The following ATG13 variants were observed in gnomAD, a reference collection of about 807,000 sequenced individuals.
ATG13 encodes autophagy related 13.
Under a neutral mutation model 65.5 loss-of-function variants are expected in ATG13, and 23 were observed. That is an observed-to-expected ratio of 0.35 (90% CI 0.25 to 0.50). The LOEUF (loss-of-function observed/expected upper bound fraction) is 0.50. ATG13 is among the 20% of genes least tolerant of loss of function. The pLI is 0.98. For missense variants in ATG13, 566 were observed against 677.0 expected (o/e 0.84, Z 1.82); for synonymous variants, 252 against 245.2 (o/e 1.03, Z -0.26).
At chr11:46,642,304 GTTTTT>G (rs200225497) in intron 2 of ATG13, among the ~76,000 whole-genome samples, 2 of 107,922 alleles carry the variant, frequency 1.9e-5, no homozygotes, top group East Asian at 3.1e-4. Context: ...ATTTTTGTGG[GTTTTT>G]TTTTTTTTTT....
At chr11:46,641,349 C>T (rs1012731553) in intron 2 of ATG13, among the ~76,000 whole-genome samples, 4 of 152,146 alleles carry the variant, frequency 2.6e-5, no homozygotes, top group Non-Finnish European at 4.4e-5. Context: ...GGATTACAGG[C>T]GTGAGCCACT....
In ATG13 at chr11:46,667,893, TTTTC is replaced by T. The variant is rs2062731395; in HGVS notation, c.1251+8_1251+11del. On this transcript the variant is annotated splice_region_variant and intron_variant, in intron 15 of 18. Transcript: ENST00000683050. ...TCAACAAACCCATTAACCAGGTGAT[TTTTC>T]TGCCACTGCCACCTGTGAGAATGTC... The T allele has an allele frequency of 6.2e-7, 1 of 1,600,240 alleles. No individual in the cohort carries two copies. The highest frequency in any genetic ancestry group is 1.3e-5 in the African/African-American group (1 of 74,788).
intron 11 of ATG13, among the ~76,000 whole-genome samples, chr11:46,661,599 A>C (rs540959172): frequency 2.0e-5 from 3 of 152,042 alleles, no homozygotes; most frequent in Non-Finnish European, 4.4e-5. Context: ...AGGCCAAGGA[A>C]GGAGGGAGGA....
At chr11:46,657,795 C>G (rs145636082) in intron 10 of ATG13, among the ~76,000 whole-genome samples, 173 bp downstream of exon 10, 50 of 152,306 alleles carry the variant, frequency 3.3e-4, no homozygotes, top group Admixed American at 7.2e-4. Flanking sequence ...TTTCTGCTCC[C>G]TCTTAGGTAC....
In ATG13 at chr11:46,672,859, CTCT is replaced by C. The variant is rs777264461; in HGVS notation, c.*534_*536del. ...CTTTACTTCCTGCTATCTTCTTCTC[CTCT>C]TCTTCTCTCTCTTGCCTCTATGCCT... is the stretch of plus-strand genomic sequence containing the variant. On this transcript the variant is annotated 3_prime_UTR_variant, in exon 19 of 19. Coordinates refer to ENST00000683050, the MANE Select transcript of ATG13 (RefSeq NM_001346311.2). 19 of 1,145,226 alleles carry C rather than the reference CTCT, an allele frequency of 1.7e-5. No homozygotes were observed. Among genetic ancestry groups the C allele is most frequent in the South Asian group, 6.0e-5 (4 of 66,970 alleles). The allele number at this position is 1,145,226 out of a possible 1,614,324, so 70.9% of individuals were successfully genotyped here.
intron 11 of ATG13, 97 bp from the exon 12 acceptor site, chr11:46,663,900 A>G: frequency 2.3e-6 from 2 of 868,798 alleles, no homozygotes; most frequent in Admixed American, 2.5e-5. Flanking sequence ...CTCTCTTGCT[A>G]CTGCCCCTTC....
Position 46,672,917 on chromosome 11 carries a change from ACC to A in ATG13, c.*587_*588del, listed in dbSNP as rs2064075281. On this transcript the variant is annotated 3_prime_UTR_variant, in exon 19 of 19. Coordinates refer to ENST00000683050, the MANE Select transcript of ATG13 (RefSeq NM_001346311.2). ...TTCTGGCAATATGACAGGCCTGCCT[ACC>A]CAAGATCAGAACTCCAAAACCACTC... 1 of 865,978 alleles carries A rather than the reference ACC, an allele frequency of 1.2e-6. No individual in the cohort carries two copies. The highest frequency in any genetic ancestry group is 1.8e-5 in the African/African-American group (1 of 55,878). 53.6% of individuals were successfully genotyped at this position (865,978 alleles called of 1,614,324 possible).
intron 4 of ATG13, 104 bp from the exon 5 acceptor site, chr11:46,645,766 C>A: frequency 6.8e-7 from 1 of 1,473,868 alleles, no homozygotes; most frequent in Admixed American, 1.9e-5. Flanking sequence ...GAATTGTCTT[C>A]CTTAATCAGC....
At chr11:46,638,209 G>A (rs1373839139) in intron 2 of ATG13, among the ~76,000 whole-genome samples, 1 of 152,126 alleles carries the variant, frequency 6.6e-6, no homozygotes, top group Non-Finnish European at 1.5e-5. Context: ...GGCTGAGGCA[G>A]GTGAATTGCT....
At chr11:46,657,791 C>T (rs376888605) in intron 10 of ATG13, among the ~76,000 whole-genome samples, 169 bp downstream of exon 10, 317 of 152,328 alleles carry the variant, frequency 2.1e-3, no homozygotes, top group African/African-American at 7.4e-3. Flanking sequence ...CTTCTTTCTG[C>T]TCCCTCTTAG....
Position 46,667,771 on chromosome 11 carries a change from A to G in ATG13, c.1137-2A>G. The stretch of plus-strand genomic sequence containing the variant: ...AGTACTAACTTCACCTTTCTCCTCC[A>G]GTGAGGATACTGAAACCGTATCAAA... On this transcript the variant is annotated splice_acceptor_variant, in intron 14 of 18. Coordinates refer to ENST00000683050, the MANE Select transcript of ATG13 (RefSeq NM_001346311.2). LOFTEE classifies it high-confidence loss of function. 6.3e-7 allele frequency: 1 copy of G among 1,595,584 alleles called. No homozygotes were observed.
Position 46,654,870 on chromosome 11 carries a change from G to C in ATG13, c.459-1363G>C, listed in dbSNP as rs536772863. 2.7e-4 allele frequency among the ~76,000 whole-genome samples: 41 copies of C among 152,106 alleles called. 1 individual carries two copies. Among genetic ancestry groups the C allele is most frequent in the Admixed American group, 2.0e-4 (3 of 15,284 alleles). ...TCCCAGCACTTTGGGAGGCTACGGC[G>C]GGTGTATCACTTGAGCTCAGGAGTT... is the stretch of plus-strand genomic sequence containing the variant. On this transcript the variant is annotated intron_variant, in intron 7 of 18. Transcript: ENST00000683050.
chr11:46,653,474 A>G (rs2059335065), intron 7 of ATG13, among the ~76,000 whole-genome samples: 2 of 152,002 alleles, frequency 1.3e-5, no homozygotes, highest in Admixed American at 6.6e-5. Context: ...ATGTCCAGCT[A>G]CATTTCTTTT....
chr11:46,663,450 C>T (rs1374820863), intron 11 of ATG13, among the ~76,000 whole-genome samples: 4 of 152,090 alleles, frequency 2.6e-5, no homozygotes, highest in Non-Finnish European at 5.9e-5. Flanking sequence ...CCTGCACACC[C>T]ACTTGTCTTC....
In ATG13 at chr11:46,672,250, T is replaced by C. The variant is rs1361170981; in HGVS notation, c.1576-5T>C. On this transcript the variant is annotated splice_region_variant and splice_polypyrimidine_tract_variant and intron_variant, in intron 18 of 18. Transcript: ENST00000683050. Reference sequence around the variant, plus strand: ...AAACGGCTCTTCCCTCTCTTTCCGGTACAGGACTCATTACCAGAGAAGCTG... The same window carrying C: ...AAACGGCTCTTCCCTCTCTTTCCGGCACAGGACTCATTACCAGAGAAGCTG... 6.2e-7 allele frequency: 1 copy of C among 1,613,966 alleles called. No homozygotes were observed. Among genetic ancestry groups the C allele is most frequent in the African/African-American group, 1.3e-5 (1 of 74,926 alleles).
At chr11:46,671,478 C>T (rs1015059652) in intron 18 of ATG13, among the ~76,000 whole-genome samples, 2 of 152,224 alleles carry the variant, frequency 1.3e-5, no homozygotes, top group Non-Finnish European at 2.9e-5. Context: ...TGGCTCATGC[C>T]TGTAATCCCA....
Position 46,667,766 on chromosome 11 carries a change from C to T in ATG13, c.1137-7C>T, listed in dbSNP as rs1278697197. The T allele has an allele frequency of 1.3e-6, 2 of 1,590,830 alleles. No homozygotes were observed. Among genetic ancestry groups the T allele is most frequent in the South Asian group, 2.2e-5 (2 of 90,420 alleles). ...GAACGAGTACTAACTTCACCTTTCT[C>T]CTCCAGTGAGGATACTGAAACCGTA... On this transcript the variant is annotated splice_polypyrimidine_tract_variant and splice_region_variant and intron_variant, in intron 14 of 18. Transcript: ENST00000683050.
chr11:46,665,470 A>G lies in ATG13; in HGVS notation c.1087A>G (p.Thr363Ala). 6.2e-7 allele frequency: 1 copy of G among 1,614,180 alleles called. No individual in the cohort carries two copies. The highest frequency in any genetic ancestry group is 8.5e-7 in the Non-Finnish European group (1 of 1,180,022). Residue 363 changes from threonine to alanine, a missense_variant, in exon 14 of 19, where the codon ACC (threonine) becomes GCC (alanine). Thr to Ala is a moderately conservative substitution (Grantham distance 58). This residue lies in a region of ATG13 where 387 missense variants were observed against 409.8 expected (regional missense o/e 0.94). Coordinates refer to ENST00000683050, the MANE Select transcript of ATG13 (RefSeq NM_001346311.2). Reference protein sequence around the residue: ...GTQADQERLATCTPSDRTHCA... With the variant: ...GTQADQERLAACTPSDRTHCA... The stretch of plus-strand genomic sequence containing the variant: ...CCAGGCTGACCAGGAGAGACTGGCA[A>G]CCTGCACCCCTTCTGACAGAACCCA...
intron 2 of ATG13, among the ~76,000 whole-genome samples, chr11:46,641,100 T>C (rs1367364491): frequency 1.3e-5 from 2 of 152,168 alleles, no homozygotes; most frequent in South Asian, 4.1e-4. Context: ...TAAGATGGAG[T>C]CTTGCTCCAT....
Sources: allele counts gnomAD v4.1 joint callset (sites outside exome capture counted in the v4.1 genomes callset), GRCh38; gene constraint gnomAD v4.1.1; regional missense constraint gnomAD v4.1.1; transcripts MANE v1.5; gene names NCBI Gene and HGNC (gene_info 2026-07-23, HGNC 2026-07-21).